MGAT4C: variants seen among roughly 807,000 people sequenced by gnomAD.
MGAT4C encodes the protein MGAT4 family member C, also known as alpha-1,3-mannosyl-glycoprotein 4-beta-N-acetylglucosaminyltransferase C.
Under a neutral mutation model 40.1 loss-of-function variants are expected in MGAT4C, and 19 were observed. That is an observed-to-expected ratio of 0.47 (90% confidence interval 0.33 to 0.70). The LOEUF (loss-of-function observed/expected upper bound fraction) is 0.70, where lower values mean the gene tolerates loss of function less well. Ranked by LOEUF, MGAT4C falls within the 30% of genes least tolerant of loss-of-function variation. The pLI is 0.02. For missense variants in MGAT4C, 491 were observed against 563.2 expected (o/e 0.87, Z 1.30); for synonymous variants, 181 against 187.1 (o/e 0.97, Z 0.27).
intron 2 of MGAT4C, among the ~76,000 whole-genome samples, chr12:86,007,478 G>T (rs1888008489): frequency 6.6e-6 from 1 of 151,986 alleles, no homozygotes; most frequent in Non-Finnish European, 1.5e-5. Flanking sequence ...TTTACCAAAA[G>T]GTCTAATGGG....
intron 2 of MGAT4C, among the ~76,000 whole-genome samples, chr12:86,603,362 T>TATGCTATATACTATATATACTA (rs1961861207): frequency 7.5e-6 from 1 of 132,830 alleles, no homozygotes; most frequent in Non-Finnish European, 1.5e-5. Flanking sequence ...TAGTATAGTA[T>TATGCTATATACTATATATACTA]ATGCTATATA....
intron 3 of MGAT4C, among the ~76,000 whole-genome samples, chr12:86,344,593 T>A (rs1469386583): frequency 6.6e-6 from 1 of 152,166 alleles, no homozygotes; most frequent in Admixed American, 6.6e-5. Context: ...GATTGTACTT[T>A]ACACACATTG....
At chr12:86,463,568 A>G (rs1244057673) in intron 2 of MGAT4C, among the ~76,000 whole-genome samples, 1 of 152,296 alleles carries the variant, frequency 6.6e-6, no homozygotes, top group East Asian at 1.9e-4. Flanking sequence ...AACTTGACTT[A>G]AAGATCACTT....
At chr12:86,181,016 A>T (rs1051766295) in intron 1 of MGAT4C, among the ~76,000 whole-genome samples, 1 of 152,154 alleles carries the variant, frequency 6.6e-6, no homozygotes, top group Non-Finnish European at 1.5e-5. Context: ...CACGTGTTGC[A>T]AGAGGGACCC....
At chr12:86,619,714 A>T (rs1962577865) in intron 2 of MGAT4C, among the ~76,000 whole-genome samples, 1 of 152,056 alleles carries the variant, frequency 6.6e-6, no homozygotes. Context: ...TACTCTTAGT[A>T]TAATATATTT....
At chr12:86,670,919 A>G (rs937810791) in intron 2 of MGAT4C, among the ~76,000 whole-genome samples, 1 of 152,236 alleles carries the variant, frequency 6.6e-6, no homozygotes, top group Non-Finnish European at 1.5e-5. Context: ...TCACTCTATC[A>G]ACGAATGAAA....
At chr12:86,630,899 G>A (rs1006822971) in intron 2 of MGAT4C, among the ~76,000 whole-genome samples, 1 of 152,112 alleles carries the variant, frequency 6.6e-6, no homozygotes, top group African/African-American at 2.4e-5. Flanking sequence ...GGAAGTTCAG[G>A]CCGGGGCAAT....
chr12:86,439,918 G>C (rs1957198762), intron 2 of MGAT4C, among the ~76,000 whole-genome samples: 1 of 151,996 alleles, frequency 6.6e-6, no homozygotes, highest in Admixed American at 6.6e-5. Context: ...CTCTTAGCTT[G>C]AATCAGGAAG....
chr12:86,053,477 G>A (rs1350095904), intron 1 of MGAT4C, among the ~76,000 whole-genome samples: 1 of 151,762 alleles, frequency 6.6e-6, no homozygotes, highest in Non-Finnish European at 1.5e-5. Context: ...CCCTTTCCAA[G>A]ACATAAACAC....
chr12:86,423,683 A>G (rs1956874592), intron 3 of MGAT4C, among the ~76,000 whole-genome samples: 1 of 152,178 alleles, frequency 6.6e-6, no homozygotes, highest in South Asian at 2.1e-4. Context: ...GAAAACCAGA[A>G]AAGTCCAAAA....
At chr12:86,331,777 T>C (rs1036044171) in intron 4 of MGAT4C, among the ~76,000 whole-genome samples, 1 of 152,140 alleles carries the variant, frequency 6.6e-6, no homozygotes, top group East Asian at 1.9e-4. Flanking sequence ...TTACGAAAGA[T>C]AGAACTATTT....
chr12:86,530,293 T>A (rs1958959372), intron 2 of MGAT4C, among the ~76,000 whole-genome samples: 1 of 151,920 alleles, frequency 6.6e-6, no homozygotes, highest in Non-Finnish European at 1.5e-5. Context: ...TCTATATATT[T>A]GATTTTTGCT....
At chr12:86,082,568 AAAAT>A (rs1274984137) in intron 1 of MGAT4C, among the ~76,000 whole-genome samples, 8 of 152,164 alleles carry the variant, frequency 5.3e-5, no homozygotes, top group African/African-American at 1.9e-4. Context: ...GGGAAAAGAG[AAAAT>A]AAACACAGCA....
chr12:86,606,224 G>A (rs1962041268), intron 2 of MGAT4C, among the ~76,000 whole-genome samples: 1 of 152,078 alleles, frequency 6.6e-6, no homozygotes, highest in Admixed American at 6.6e-5. Flanking sequence ...AGATTTGGGT[G>A]GGGATGCAAA....
rs977103781 is a variant in MGAT4C, at chr12:85,971,018, A to C, written c.*8271T>G. 6.6e-6 allele frequency: 1 copy of C among 151,184 alleles called. No individual in the cohort carries two copies. Among genetic ancestry groups the C allele is most frequent in the South Asian group, 2.1e-4 (1 of 4,828 alleles). The allele number at this position is 151,184 out of a possible 1,614,324, so 9.4% of individuals were successfully genotyped here. ...ATTATACCTTGTAAAATTTCATATT[A>C]TGAGAGCAATATGTAAATTTCATTG... On this transcript the variant is annotated 3_prime_UTR_variant, in exon 5 of 5. Coordinates refer to ENST00000611864, the MANE Select transcript of MGAT4C (RefSeq NM_001351288.2).
chr12:86,326,491 T>A (rs1954532059), intron 4 of MGAT4C, among the ~76,000 whole-genome samples: 1 of 152,070 alleles, frequency 6.6e-6, no homozygotes, highest in Admixed American at 6.6e-5. Flanking sequence ...AAAAAATGAA[T>A]TACAAAGAGA....
intron 1 of MGAT4C, among the ~76,000 whole-genome samples, chr12:86,744,199 C>CAGTT (rs1325383907): frequency 3.3e-5 from 5 of 151,366 alleles, no homozygotes; most frequent in African/African-American, 1.2e-4. Context: ...AATTTATGGC[C>CAGTT]AGTTAGGGAG....
At chr12:86,682,505 G>A (rs986620933) in intron 2 of MGAT4C, among the ~76,000 whole-genome samples, 2 of 151,874 alleles carry the variant, frequency 1.3e-5, no homozygotes, top group Non-Finnish European at 2.9e-5. Flanking sequence ...ATTGGTAGGT[G>A]GTATTATTTG....
chr12:86,657,053 T>A (rs955688690), intron 2 of MGAT4C, among the ~76,000 whole-genome samples: 5 of 152,028 alleles, frequency 3.3e-5, no homozygotes, highest in Non-Finnish European at 7.4e-5. Context: ...AAGAATCACA[T>A]CAACCAACTT....
Sources: gnomAD v4.1 joint callset for allele counts (sites outside exome capture counted in the v4.1 genomes callset) on GRCh38, gnomAD v4.1.1 for gene constraint, MANE v1.5 for transcripts, NCBI Gene and HGNC (gene_info 2026-07-23, HGNC 2026-07-21) for gene names.